The following PUS7L variants were observed in gnomAD, a reference collection of about 807,000 sequenced individuals.
PUS7L encodes the protein pseudouridylate synthase PUS7L.
In PUS7L, 49 loss-of-function variants were observed where a neutral mutation model predicts 51.1. That is an observed-to-expected ratio of 0.96 (90% confidence interval 0.76 to 1.22). The LOEUF (loss-of-function observed/expected upper bound fraction) is 1.22. Ranked by LOEUF, PUS7L falls within the 50% of genes most tolerant of loss-of-function variation. The pLI is 0.00. For missense variants in PUS7L, 828 were observed against 820.6 expected (o/e 1.01, Z -0.11); for synonymous variants, 277 against 276.2 (o/e 1.00, Z -0.03).
At chr12:43,757,398 C>G (rs1344077036) in intron 1 of PUS7L, among the ~76,000 whole-genome samples, 1 of 152,208 alleles carries the variant, frequency 6.6e-6, no homozygotes, top group Non-Finnish European at 1.5e-5. Context: ...GTCTTGAACT[C>G]CTGACCTCGT....
chr12:43,755,370 G>C, intron 1 of PUS7L, 109 bp from the exon 2 acceptor site: 1 of 650,328 alleles, frequency 1.5e-6, no homozygotes, highest in Non-Finnish European at 2.6e-6. Flanking sequence ...TTTTAATTCT[G>C]AGTCTTCTTA....
chr12:43,751,960 G>A (rs1270566183), intron 2 of PUS7L, among the ~76,000 whole-genome samples: 2 of 152,194 alleles, frequency 1.3e-5, no homozygotes, highest in Non-Finnish European at 1.5e-5. Flanking sequence ...CAGTGATGAT[G>A]AGCATTTTTT....
intron 2 of PUS7L, among the ~76,000 whole-genome samples, chr12:43,749,136 A>C (rs1272552190): frequency 2.0e-5 from 3 of 152,122 alleles, no homozygotes; most frequent in Admixed American, 6.5e-5. Flanking sequence ...CAAATTCCTT[A>C]ATTTGGTATT....
chr12:43,735,372 A>G (rs942829530), intron 7 of PUS7L, among the ~76,000 whole-genome samples: 1 of 151,494 alleles, frequency 6.6e-6, no homozygotes. Flanking sequence ...ATAAAAAATA[A>G]AACTGGACAA....
intron 4 of PUS7L, 124 bp downstream of exon 4, chr12:43,745,922 T>G (rs1441548453): frequency 5.6e-6 from 3 of 531,762 alleles, no homozygotes; most frequent in Non-Finnish European, 6.5e-6. Flanking sequence ...TAGAAAATAA[T>G]TAATCACTTT....
At chr12:43,745,297 A>C (rs985573031) in intron 4 of PUS7L, among the ~76,000 whole-genome samples, 4 of 152,224 alleles carry the variant, frequency 2.6e-5, no homozygotes, top group Non-Finnish European at 4.4e-5. Context: ...CATAAAGTTT[A>C]TGATATGTTT....
rs1944440944 is a variant in PUS7L, at chr12:43,725,428, A to T, written c.*4948T>A. 2.2e-5 allele frequency: 3 copies of T among 136,920 alleles called. No individual in the cohort carries two copies. The highest frequency in any genetic ancestry group is 1.4e-4 in the Admixed American group (2 of 14,168). 8.5% of individuals were successfully genotyped at this position (136,920 alleles called of 1,614,324 possible). Reference sequence around the variant, plus strand: ...GAAGTTATATTTTAATTTTTAGTTTAGTTTTTTTTTTTTTTTGAGGTGGAG... The same window carrying T: ...GAAGTTATATTTTAATTTTTAGTTTTGTTTTTTTTTTTTTTTGAGGTGGAG... On this transcript the variant is annotated 3_prime_UTR_variant, in exon 9 of 9. Coordinates refer to ENST00000344862, the MANE Select transcript of PUS7L (RefSeq NM_031292.5).
rs1458983482 is a variant in PUS7L, at chr12:43,748,552, A to G, written c.968T>C (p.Ile323Thr). The G allele has an allele frequency of 3.1e-6, 5 of 1,610,844 alleles. No individual in the cohort carries two copies. The highest frequency in any genetic ancestry group is 4.2e-6 in the Non-Finnish European group (5 of 1,179,200). ...EMFEAIGFLA[I>T]KLGVIPSDFS... is the part of the protein sequence containing the mutation. Reference sequence around the variant, plus strand: ...ATCCGAAGGAATAACACCAAGTTTGATAGCTAAAAAACCAATCGCTTCAAA... The same window carrying G: ...ATCCGAAGGAATAACACCAAGTTTGGTAGCTAAAAAACCAATCGCTTCAAA... The change falls in exon 3 of 9, where the codon ATC becomes ACC. Residue 323 changes from isoleucine to threonine, a missense_variant. Physicochemically the swap from Ile to Thr is moderately conservative, Grantham distance 89 (BLOSUM62 -1). Coordinates refer to ENST00000344862, the MANE Select transcript of PUS7L (RefSeq NM_031292.5).
chr12:43,730,811 A>C, intron 8 of PUS7L, 109 bp from the exon 9 acceptor site: 1 of 688,726 alleles, frequency 1.5e-6, no homozygotes, highest in Non-Finnish European at 2.4e-6. Context: ...AAATAGTCTC[A>C]GAATATAAAC....
chr12:43,738,043 G>A (rs528692874), intron 6 of PUS7L: 1 of 305,972 alleles, frequency 3.3e-6, no homozygotes, highest in South Asian at 6.9e-5. Flanking sequence ...CTCTCTCTCA[G>A]AGGATTTCAG....
chr12:43,742,288 T>G (rs1239359273), intron 5 of PUS7L, among the ~76,000 whole-genome samples, 169 bp downstream of exon 5: 4 of 152,224 alleles, frequency 2.6e-5, no homozygotes, highest in African/African-American at 9.6e-5. Context: ...TCTTGTAATG[T>G]GATATCAAGG....
chr12:43,738,343 C>A lies in PUS7L; in HGVS notation c.1411G>T (p.Val471Leu), dbSNP rs1007903610. The change falls in exon 6 of 9, where the codon GTA becomes TTA. Residue 471 changes from valine (V) to leucine (L), a missense_variant. Transcript: ENST00000344862. ...AGAAAATACTTCTTTGCTCTATTTACAGGATCATCCAAGTCTTCTGGTGTA... is the reference window on the plus strand; with the variant it reads ...AGAAAATACTTCTTTGCTCTATTTAAAGGATCATCCAAGTCTTCTGGTGTA... ...FLTPEDLDDP[V>L]NRAKKYFLQT... 2 of 1,595,934 alleles carry A rather than the reference C, an allele frequency of 1.3e-6. No individual in the cohort carries two copies. Among genetic ancestry groups the A allele is most frequent in the Admixed American group, 3.3e-5 (2 of 59,784 alleles).
At chr12:43,749,315 G>T (rs1938329299) in intron 2 of PUS7L, among the ~76,000 whole-genome samples, 1 of 152,080 alleles carries the variant, frequency 6.6e-6, no homozygotes, top group Non-Finnish European at 1.5e-5. Context: ...TGTTCCCCTT[G>T]TATGTTCATT....
rs1944434834 is a variant in PUS7L at position 43,724,834 on chromosome 12, A to G, written c.*5542T>C. The G allele has an allele frequency of 6.6e-6, 1 of 152,252 alleles. No homozygotes were observed. The highest frequency in any genetic ancestry group is 2.4e-5 in the African/African-American group (1 of 41,464). 9.4% of individuals were successfully genotyped at this position (152,252 alleles called of 1,614,324 possible). ...ACTATTATTTATTTAATACCTTTAA[A>G]TTGATTCTACCTCTTTAAAATTAAA... On this transcript the variant is annotated 3_prime_UTR_variant, in exon 9 of 9. Coordinates refer to ENST00000344862, the MANE Select transcript of PUS7L (RefSeq NM_031292.5).
In PUS7L at chr12:43,730,341, G is replaced by A. The variant is rs1263986530; in HGVS notation, c.*35C>T. The A allele has an allele frequency of 2.6e-6, 4 of 1,522,886 alleles. No individual in the cohort carries two copies. Among genetic ancestry groups the A allele is most frequent in the Non-Finnish European group, 3.6e-6 (4 of 1,105,646 alleles). The allele number at this position is 1,522,886 out of a possible 1,614,324, so 94.3% of individuals were successfully genotyped here. Reference sequence around the variant, plus strand: ...ATTTTAGCCCCCTTTCCTTCAAAGAGTGACATATATATGGTTATACCAAGG... The same window carrying A: ...ATTTTAGCCCCCTTTCCTTCAAAGAATGACATATATATGGTTATACCAAGG... On this transcript the variant is annotated 3_prime_UTR_variant, in exon 9 of 9. Transcript: ENST00000344862.
intron 2 of PUS7L, 120 bp from the exon 3 acceptor site, chr12:43,748,729 G>T: frequency 1.1e-6 from 1 of 879,396 alleles, no homozygotes; most frequent in Non-Finnish European, 1.7e-6. Flanking sequence ...TGTTGTTGTT[G>T]TTGTTGTTGT....
At chr12:43,748,342 T>A in intron 3 of PUS7L, 108 bp downstream of exon 3, 1 of 647,476 alleles carries the variant, frequency 1.5e-6, no homozygotes, top group Non-Finnish European at 2.5e-6. Context: ...CTTTTCTGAA[T>A]ATAAATGCAT....
In PUS7L at chr12:43,723,406, A is replaced by C. The variant is rs1173870042; in HGVS notation, c.*6970T>G. ...AAAGCATATTTTAAGAGGAGATCTC[A>C]AGATGCTTAGAAATGCTAAATAAGT... On this transcript the variant is annotated 3_prime_UTR_variant, in exon 9 of 9. Transcript: ENST00000344862. 2.0e-5 allele frequency: 3 copies of C among 152,148 alleles called. No homozygotes were observed. Among genetic ancestry groups the C allele is most frequent in the Non-Finnish European group, 4.4e-5 (3 of 67,962 alleles). 9.4% of individuals were successfully genotyped at this position (152,148 alleles called of 1,614,324 possible). A position where few individuals can be genotyped will look rare whatever the true frequency, so the allele number is the denominator to read the frequency against.
intron 4 of PUS7L, 89 bp downstream of exon 4, chr12:43,745,957 A>G (rs1938147132): frequency 1.7e-6 from 1 of 597,394 alleles, no homozygotes; most frequent in East Asian, 3.3e-5. Flanking sequence ...AAAGGTACAA[A>G]AGAAAAAGAA....
Sources: gnomAD v4.1 joint callset for allele counts (sites outside exome capture counted in the v4.1 genomes callset) on GRCh38, gnomAD v4.1.1 for gene constraint, MANE v1.5 for transcripts, NCBI Gene and HGNC (gene_info 2026-07-23, HGNC 2026-07-21) for gene names.